Variants in RGS3 observed in about 807,000 individuals in gnomAD.
RGS3 encodes regulator of G-protein signalling 3.
A neutral mutation model predicts 132.6 loss-of-function variants in RGS3; 80 were observed. The ratio of observed to expected loss-of-function variants is 0.60; its 90% CI spans 0.50 to 0.73. The LOEUF is 0.73. Among genes scored for constraint, RGS3 ranks in the 30% least tolerant of loss-of-function variants. RGS3 has a pLI of 0.00. For synonymous variants in RGS3, 598 were observed against 620.6 expected (o/e 0.96, Z 0.54); for missense variants, 1,382 against 1,530.8 (o/e 0.90, Z 1.62).
intron 8 of RGS3, 135 bp downstream of exon 6, chr9:113,495,981 G>A (rs1830671101): frequency 3.7e-6 from 3 of 800,880 alleles, no homozygotes. Context: ...GCCCTGTGGG[G>A]TGGCCTGCAT....
chr9:113,513,302 A>C (rs79712070), intron 14 of RGS3, among the ~76,000 whole-genome samples: 17,949 of 152,004 alleles, frequency 0.12, 1,248 homozygotes, highest in African/African-American at 0.19. Flanking sequence ...CCCTCCCCCC[A>C]CACCGCCGTT....
intron 17 of RGS3, among the ~76,000 whole-genome samples, chr9:113,523,977 T>A (rs1832084719): frequency 6.6e-6 from 1 of 152,152 alleles, no homozygotes; most frequent in Non-Finnish European, 1.5e-5. Flanking sequence ...AACTTCTCCA[T>A]CTCGGGCTCT....
chr9:113,489,807 G>A (rs1354786870), intron 7 of RGS3, among the ~76,000 whole-genome samples: 1 of 151,866 alleles, frequency 6.6e-6, no homozygotes, highest in African/African-American at 2.4e-5. Flanking sequence ...TAGGATTACA[G>A]ACATGAGCTA....
intron 7 of RGS3, among the ~76,000 whole-genome samples, chr9:113,488,380 G>A (rs1159430257): frequency 6.6e-6 from 1 of 152,216 alleles, no homozygotes; most frequent in Non-Finnish European, 1.5e-5. Flanking sequence ...TGGGAGCCAT[G>A]AGCAGGAAGG....
chr9:113,508,880 G>GATAT (rs1476862922), intron 14 of RGS3, among the ~76,000 whole-genome samples: 2 of 152,162 alleles, frequency 1.3e-5, no homozygotes, highest in Non-Finnish European at 1.5e-5. Context: ...CAGAGCAACC[G>GATAT]ATATATATTA....
rs375283491 is a variant in RGS3, at chr9:113,497,416, C to G, written c.841+12C>G. 39 of 1,608,614 alleles carry G rather than the reference C, an allele frequency of 2.4e-5. 1 individual carries two copies. Among genetic ancestry groups the G allele is most frequent in the Non-Finnish European group, 3.2e-5 (38 of 1,176,992 alleles). ...GCGGCCGCTGAGAGGTACCTGCACA[C>G]CCCCTTCAGCTTCCCTTCCCAGGAC... On this transcript the variant is annotated intron_variant, in intron 9 of 24. Transcript: ENST00000350696.
chr9:113,595,463 C>T, intron 23 of RGS3, 136 bp from the exon 22 acceptor site: 4 of 950,538 alleles, frequency 4.2e-6, no homozygotes, highest in Non-Finnish European at 6.3e-6. Context: ...TCCCAGGGCT[C>T]CTGGCTGTCG....
At chr9:113,469,245 G>A (rs1364037549) in intron 3 of RGS3, among the ~76,000 whole-genome samples, 1 of 152,080 alleles carries the variant, frequency 6.6e-6, no homozygotes, top group African/African-American at 2.4e-5. Context: ...CTGAACTGGA[G>A]GCCTTCAATG....
chr9:113,596,921 A>G (rs1835813789), exon 25 of RGS3: 8 of 1,611,898 alleles, frequency 5.0e-6, no homozygotes, highest in Non-Finnish European at 5.9e-6. Context: ...CCTGGACCTT[A>G]TTAACCAGAA....
intron 17 of RGS3, among the ~76,000 whole-genome samples, chr9:113,528,804 G>C (rs2118525302): frequency 6.6e-6 from 1 of 152,300 alleles, no homozygotes; most frequent in Admixed American, 6.5e-5. Context: ...CCTCCCTATT[G>C]AATTTCAAAA....
intron 3 of RGS3, among the ~76,000 whole-genome samples, chr9:113,473,450 A>C (rs1317310064): frequency 2.0e-5 from 3 of 152,112 alleles, no homozygotes; most frequent in Non-Finnish European, 4.4e-5. Context: ...TGGTGTGATC[A>C]TGGCTCACTA....
At position 113,541,500 on chromosome 9, in the gene RGS3, T is replaced by C. The variant is rs779254008; in HGVS notation, c.2037+4582T>C. 297 of 1,571,668 alleles carry C rather than the reference T, an allele frequency of 1.9e-4. 1 individual carries two copies. The highest frequency in any genetic ancestry group is 2.4e-4 in the Non-Finnish European group (283 of 1,157,226). The stretch of plus-strand genomic sequence containing the variant: ...GGGCATCCCCTACCACACAGTAACC[T>C]CACCTCAACTGGACCTGAAACAGAG... On this transcript the variant is annotated intron_variant, in intron 19 of 24. Transcript: ENST00000350696.
chr9:113,558,423 A>C (rs190994774), intron 19 of RGS3, among the ~76,000 whole-genome samples: 341 of 152,214 alleles, frequency 2.2e-3, no homozygotes, highest in African/African-American at 7.9e-3. Flanking sequence ...GAATTGCTTG[A>C]ACCTGGGAGG....
At chr9:113,459,983 G>A (rs1829439023), upstream of RGS3, among the ~76,000 whole-genome samples, 3 of 151,308 alleles carry the variant, frequency 2.0e-5, no homozygotes, top group South Asian at 2.1e-4. Flanking sequence ...GGAGGTTGCA[G>A]TGAGCAGAGA....
chr9:113,587,248 C>CAG (rs1835164653), intron 20 of RGS3, among the ~76,000 whole-genome samples: 1 of 152,098 alleles, frequency 6.6e-6, no homozygotes, highest in East Asian at 1.9e-4. Flanking sequence ...GGGGGACTGG[C>CAG]AGAGGGACAG....
chr9:113,461,703 C>G, intron 1 of RGS3: 1 of 1,612,412 alleles, frequency 6.2e-7, no homozygotes, highest in East Asian at 2.2e-5. Context: ...CTTTTCTCTC[C>G]TAGGTCACAT....
chr9:113,582,120 C>A (rs1588285772), intron 19 of RGS3: 4 of 985,504 alleles, frequency 4.1e-6, no homozygotes, highest in Non-Finnish European at 4.8e-6. Flanking sequence ...GCAGCTGCCC[C>A]AAGCCATGGC....
chr9:113,596,619 G>C, intron 24 of RGS3, 149 bp from the exon 23 acceptor site: 2 of 633,638 alleles, frequency 3.2e-6, no homozygotes, highest in Non-Finnish European at 5.3e-6. Context: ...TGAATCCTCT[G>C]GTCTGAGGGT....
chr9:113,529,252 C>G (rs1832359171), exon 18 of RGS3: 1 of 1,613,132 alleles, frequency 6.2e-7, no homozygotes, highest in Admixed American at 1.7e-5. Flanking sequence ...TCTGCGTGCT[C>G]TATCTAGCAG....
Sources: allele counts gnomAD v4.1 joint callset (sites outside exome capture counted in the v4.1 genomes callset), GRCh38; gene constraint gnomAD v4.1.1; transcripts MANE v1.5; gene names NCBI Gene and HGNC (gene_info 2026-07-23, HGNC 2026-07-21).